Variants in CPA5 observed in about 807,000 individuals in gnomAD.
CPA5 encodes carboxypeptidase A5.
CPA5 carries 38 observed loss-of-function variants against 52.2 expected under a neutral mutation model. The ratio of observed to expected loss-of-function variants is 0.73; its 90% CI spans 0.56 to 0.95. The LOEUF (loss-of-function observed/expected upper bound fraction) is 0.95. Ranked by LOEUF, CPA5 falls within the 40% of genes least tolerant of loss-of-function variation. The pLI, the probability that CPA5 is intolerant of heterozygous loss-of-function variation, is 0.00. For synonymous variants in CPA5, 198 were observed against 213.7 expected (o/e 0.93, Z 0.64); for missense variants, 519 against 566.7 (o/e 0.92, Z 0.86).
chr7:130,374,588 A>G, the CPA5 span, among the ~76,000 whole-genome samples: 3 of 152,122 alleles, frequency 2.0e-5, no homozygotes, highest in Admixed American at 1.3e-4. Flanking sequence ...AAAATAAAAC[A>G]TGGAAGCTGG....
chr7:130,368,300 G>T (rs1293939302), intron 12 of CPA5, 110 bp from the exon 13 acceptor site: 3 of 1,054,646 alleles, frequency 2.8e-6, no homozygotes, highest in African/African-American at 1.6e-5. Flanking sequence ...GCCTGGGGTG[G>T]GTGGGGGTTT....
intron 6 of CPA5, among the ~76,000 whole-genome samples, chr7:130,360,457 G>A (rs1554406314): frequency 6.6e-6 from 1 of 152,252 alleles, no homozygotes; most frequent in African/African-American, 2.4e-5. Context: ...AATGTACACA[G>A]AGGGTGCAGG....
Position 130,346,586 on chromosome 7 carries a change from A to T in CPA5, c.101A>T (p.Gln34Leu), listed in dbSNP as rs782654344. ...FSFILAAALG[Q>L]MNFTGDQVLR... ...TTTATCCTGGCAGCAGCTTTGGGCC[A>T]AATGAATTTCACAGGGTGAGTGGCT... The change falls in exon 3 of 13, where the codon CAA becomes CTA. Residue 34 changes from glutamine to leucine, a missense_variant. Transcript: ENST00000474905. 2 of 1,613,798 alleles carry T rather than the reference A, an allele frequency of 1.2e-6. No individual in the cohort carries two copies. Among genetic ancestry groups the T allele is most frequent in the African/African-American group, 2.7e-5 (2 of 74,942 alleles).
chr7:130,358,236 C>T (rs183809194), intron 5 of CPA5, among the ~76,000 whole-genome samples: 5 of 152,176 alleles, frequency 3.3e-5, no homozygotes, highest in Non-Finnish European at 5.9e-5. Context: ...TGGGCTCCAG[C>T]GACCCTCCTG....
chr7:130,351,933 G>A lies in CPA5; in HGVS notation c.333+1824G>A, dbSNP rs191856840. Among the ~76,000 whole-genome samples, 31 of 152,146 alleles carry A rather than the reference G, an allele frequency of 2.0e-4. No individual in the cohort carries two copies. In the East Asian group the frequency reaches 5.8e-3, roughly 28 times the overall value. ...CAGGCACAACCTTATTCACATGTGG[G>A]TCTTTGTTCCTCTGGCCCCCTCCCC... is the stretch of plus-strand genomic sequence containing the variant. On this transcript the variant is annotated intron_variant, in intron 5 of 12. Coordinates refer to ENST00000474905, the MANE Select transcript of CPA5 (RefSeq NM_080385.5).
chr7:130,367,360 T>C lies in CPA5; in HGVS notation c.839-12T>C. 6.2e-7 allele frequency: 1 copy of C among 1,613,620 alleles called. No individual in the cohort carries two copies. Among genetic ancestry groups the C allele is most frequent in the Non-Finnish European group, 8.5e-7 (1 of 1,179,852 alleles). On this transcript the variant is annotated splice_polypyrimidine_tract_variant and intron_variant, in intron 10 of 12. Transcript: ENST00000474905. The stretch of plus-strand genomic sequence containing the variant: ...GGATTTGACTCTTTGGGTGGCTTTA[T>C]TTTACTTCCAGGAAATGGTTCTAAC...
intron 10 of CPA5, among the ~76,000 whole-genome samples, chr7:130,364,809 A>AG (rs1227241399): frequency 6.6e-6 from 1 of 152,198 alleles, no homozygotes; most frequent in Admixed American, 6.5e-5. Context: ...TAACCATGCA[A>AG]GGGGCACAGG....
At chr7:130,364,010 G>T (rs1795941371) in intron 10 of CPA5, among the ~76,000 whole-genome samples, 1 of 152,042 alleles carries the variant, frequency 6.6e-6, no homozygotes, top group Non-Finnish European at 1.5e-5. Flanking sequence ...GTGTCCAATA[G>T]AATTAACCAC....
intron 4 of CPA5, among the ~76,000 whole-genome samples, chr7:130,348,160 G>A (rs1231929881): frequency 2.6e-5 from 4 of 152,124 alleles, no homozygotes; most frequent in African/African-American, 9.7e-5. Flanking sequence ...GGGTGGGAGG[G>A]CACAATGTCT....
chr7:130,353,848 G>C (rs189138966), intron 5 of CPA5, among the ~76,000 whole-genome samples: 26 of 152,286 alleles, frequency 1.7e-4, no homozygotes, highest in Admixed American at 1.7e-3. Flanking sequence ...CAAGCATGTT[G>C]TTCCTCTGCT....
downstream of CPA5, among the ~76,000 whole-genome samples, chr7:130,369,590 G>C (rs1326492251): frequency 6.6e-6 from 1 of 152,182 alleles, no homozygotes; most frequent in Non-Finnish European, 1.5e-5. Flanking sequence ...GTGAGAGCAA[G>C]ACTTGCATTT....
At chr7:130,362,141 G>A (rs1368095994) in intron 7 of CPA5, among the ~76,000 whole-genome samples, 1 of 152,202 alleles carries the variant, frequency 6.6e-6, no homozygotes. Context: ...ATCCCCAGGA[G>A]ACTCATGTGC....
chr7:130,367,920 G>A lies in CPA5; in HGVS notation c.1053G>A (p.Lys351=). ...TCATCTTGCAGTACGATCTTGCCAA[G>A]GATGCGGTGGAGGCCTTGTATAAGG... ...SNQRELYDLA[K]DAVEALYKVH... is the part of the protein sequence containing the mutation. Residue 351 remains lysine (K), a synonymous_variant, in exon 12 of 13, where the codon AAG becomes AAA. Coordinates refer to ENST00000474905, the MANE Select transcript of CPA5 (RefSeq NM_080385.5). 1.2e-6 allele frequency: 2 copies of A among 1,614,240 alleles called. No homozygotes were observed. The highest frequency in any genetic ancestry group is 2.7e-5 in the African/African-American group (2 of 75,068).
chr7:130,346,471 C>T lies in CPA5; in HGVS notation c.-15C>T, dbSNP rs782300825. ...GCCCAAGGAAAGCCCCTGAAGCTCA[C>T]CAGGAGGAAGAAGCATGCAGGGCAC... is the stretch of plus-strand genomic sequence containing the variant. On this transcript the variant is annotated 5_prime_UTR_variant, in exon 3 of 13. Coordinates refer to ENST00000474905, the MANE Select transcript of CPA5 (RefSeq NM_080385.5). 5 of 1,596,874 alleles carry T rather than the reference C, an allele frequency of 3.1e-6. No homozygotes were observed. Among genetic ancestry groups the T allele is most frequent in the Non-Finnish European group, 4.3e-6 (5 of 1,166,532 alleles).
intron 5 of CPA5, among the ~76,000 whole-genome samples, chr7:130,359,091 C>T (rs1795648747): frequency 6.6e-6 from 1 of 152,180 alleles, no homozygotes; most frequent in Non-Finnish European, 1.5e-5. Flanking sequence ...CAGAGGAACC[C>T]TCTGCTTCCC....
downstream of CPA5, among the ~76,000 whole-genome samples, chr7:130,370,941 C>T (rs1286909290): frequency 1.3e-5 from 2 of 152,254 alleles, no homozygotes; most frequent in Non-Finnish European, 2.9e-5. Context: ...GGTCTCCCCA[C>T]TCTGCCATTG....
intron 5 of CPA5, among the ~76,000 whole-genome samples, chr7:130,352,032 T>C (rs138827304): frequency 1.3e-5 from 2 of 152,168 alleles, no homozygotes; most frequent in South Asian, 2.1e-4. Flanking sequence ...TGCTGCTTCG[T>C]TGAGGCTTGA....
chr7:130,369,826 A>G (rs1255645266), downstream of CPA5, among the ~76,000 whole-genome samples: 1 of 152,268 alleles, frequency 6.6e-6, no homozygotes, highest in Non-Finnish European at 1.5e-5. Flanking sequence ...GTGTAAAGGC[A>G]TAACTTGCTT....
At chr7:130,364,338 G>A (rs1419343035) in intron 10 of CPA5, among the ~76,000 whole-genome samples, 2 of 152,114 alleles carry the variant, frequency 1.3e-5, no homozygotes, top group African/African-American at 2.4e-5. Flanking sequence ...GATTGCAGGT[G>A]CCCACCACCA....
Sources: allele counts gnomAD v4.1 joint callset (sites outside exome capture counted in the v4.1 genomes callset), GRCh38; gene constraint gnomAD v4.1.1; transcripts MANE v1.5; gene names NCBI Gene and HGNC (gene_info 2026-07-23, HGNC 2026-07-21).